CHST10: variants seen among roughly 807,000 people sequenced by gnomAD.
CHST10 encodes HNK-1 sulfotransferase.
In CHST10, 24 loss-of-function variants were observed where a neutral mutation model predicts 34.7. The observed-to-expected ratio is 0.69, with a 90% CI of 0.50 to 0.97. The LOEUF is 0.97. Among genes scored for constraint, CHST10 ranks in the 50% least tolerant of loss-of-function variants. CHST10 has a pLI of 0.00. For synonymous variants in CHST10, 161 were observed against 169.3 expected, an observed-to-expected ratio of 0.95 and a Z score of 0.38; for missense variants, 402 against 452.1, an observed-to-expected ratio of 0.89 and a Z score of 1.00.
intron 5 of CHST10, among the ~76,000 whole-genome samples, chr2:100,396,773 G>T (rs931865564): frequency 6.6e-6 from 1 of 152,158 alleles, no homozygotes; most frequent in African/African-American, 2.4e-5. Flanking sequence ...ACATGATCCA[G>T]CAAGCCCACT....
intron 3 of CHST10, among the ~76,000 whole-genome samples, 180 bp from the exon 4 acceptor site, chr2:100,402,835 G>C (rs1347332838): frequency 2.0e-5 from 3 of 152,178 alleles, no homozygotes; most frequent in Non-Finnish European, 4.4e-5. Context: ...GGGGCACCTG[G>C]ACATTCACAC....
intron 3 of CHST10, 139 bp from the exon 4 acceptor site, chr2:100,402,794 G>A: frequency 3.0e-6 from 2 of 662,522 alleles, no homozygotes; most frequent in Non-Finnish European, 5.1e-6. Flanking sequence ...CCATTCAGCG[G>A]AGGAGGGCAG....
intron 5 of CHST10, among the ~76,000 whole-genome samples, chr2:100,396,358 G>T (rs1481357605): frequency 1.3e-5 from 2 of 152,222 alleles, no homozygotes; most frequent in East Asian, 3.8e-4. Flanking sequence ...GTTGGTGGCT[G>T]AGCAGGTTTT....
At chr2:100,415,243 G>C in intron 1 of CHST10, 132 bp from the exon 2 acceptor site, 1 of 366,024 alleles carries the variant, frequency 2.7e-6, no homozygotes, top group Non-Finnish European at 4.7e-6. Context: ...TGGCAGAATG[G>C]GTCTCTTACA....
chr2:100,406,447 C>T (rs1423787918), intron 3 of CHST10, 129 bp downstream of exon 3: 2 of 1,244,714 alleles, frequency 1.6e-6, no homozygotes, highest in Non-Finnish European at 2.3e-6. Context: ...AGGCCATGAC[C>T]TCCAAGGTCC....
intron 5 of CHST10, 28 bp downstream of exon 5, chr2:100,397,880 A>G (rs1450756291): frequency 6.4e-7 from 1 of 1,563,866 alleles, no homozygotes; most frequent in Non-Finnish European, 8.7e-7. Context: ...GACCCTTCCC[A>G]GTGGACATTC....
chr2:100,396,428 C>T (rs1675062105), intron 5 of CHST10, among the ~76,000 whole-genome samples: 1 of 152,148 alleles, frequency 6.6e-6, no homozygotes, highest in Non-Finnish European at 1.5e-5. Flanking sequence ...AGGTTTTCTC[C>T]AAGTTTCTGT....
intron 5 of CHST10, among the ~76,000 whole-genome samples, chr2:100,396,593 G>A (rs1675071146): frequency 2.6e-5 from 4 of 152,146 alleles, no homozygotes; most frequent in Admixed American, 1.3e-4. Context: ...AGAACTCTGC[G>A]GTACATGCTA....
intron 3 of CHST10, among the ~76,000 whole-genome samples, chr2:100,404,044 A>G (rs1195097753): frequency 5.3e-5 from 8 of 152,250 alleles, no homozygotes; most frequent in Non-Finnish European, 1.2e-4. Flanking sequence ...GTCCTTGTGC[A>G]CTGGCAAGAT....
chr2:100,393,584 G>A lies in CHST10; in HGVS notation c.732C>T (p.Leu244=), dbSNP rs146724275. The change falls in exon 7 of 7, where the codon CTC becomes CTT. Residue 244 remains leucine, a synonymous_variant. Transcript: ENST00000264249. ...GIQFEDFVRY[L]GDPNHRWLDL... ...CTAGCCATCTGTGGTTCGGATCGCC[G>A]AGGTAGCGCACGAAATCTTCAAACT... is the stretch of plus-strand genomic sequence containing the variant. 31 of 1,613,996 alleles carry A rather than the reference G, an allele frequency of 1.9e-5. No homozygotes were observed. The highest frequency in any genetic ancestry group is 1.6e-4 in the Middle Eastern group (1 of 6,084).
At position 100,406,723 on chromosome 2, in the gene CHST10, G is replaced by A. The variant is rs144376630; in HGVS notation, c.-32-16C>T. 4.0e-5 allele frequency: 64 copies of A among 1,607,480 alleles called. No individual in the cohort carries two copies. Among genetic ancestry groups the A allele is most frequent in the South Asian group, 7.7e-5 (7 of 90,884 alleles). On this transcript the variant is annotated splice_polypyrimidine_tract_variant and intron_variant, in intron 2 of 6. Coordinates refer to ENST00000264249, the MANE Select transcript of CHST10 (RefSeq NM_004854.5). ...CTGACTCTTCCTGGAAAACACAAGC[G>A]AGATGCCCCTGCTGCTTACAAATAC...
At chr2:100,397,676 G>C (rs566932702) in intron 5 of CHST10, among the ~76,000 whole-genome samples, 45 of 152,350 alleles carry the variant, frequency 3.0e-4, no homozygotes, top group Admixed American at 1.4e-3. Context: ...CAGGTGAGGA[G>C]AGCTGGACTG....
At chr2:100,398,194 A>T (rs547816720) in intron 4 of CHST10, 52 bp from the exon 5 acceptor site, 5 of 1,406,306 alleles carry the variant, frequency 3.6e-6, no homozygotes, top group East Asian at 2.3e-5. Flanking sequence ...AGGAGGCAGG[A>T]CCGGGCCAAG....
rs1043141616 is a variant in CHST10, at chr2:100,415,204, G to A, written c.-103-93C>T. On this transcript the variant is annotated intron_variant, in intron 1 of 6. Transcript: ENST00000264249. Reference sequence around the variant, plus strand: ...TTGGTTTATACTTAGGAAGGAAATAGTGAACCATTTTGATGATTCAAATAT... The same window carrying A: ...TTGGTTTATACTTAGGAAGGAAATAATGAACCATTTTGATGATTCAAATAT... 4 of 657,854 alleles carry A rather than the reference G, an allele frequency of 6.1e-6. No homozygotes were observed. In the African/African-American group the frequency reaches 7.5e-5, roughly 12 times the overall value. 40.8% of individuals were successfully genotyped at this position (657,854 alleles called of 1,614,324 possible).
intron 2 of CHST10, among the ~76,000 whole-genome samples, chr2:100,412,357 A>ATGG (rs1428705260): frequency 1.3e-5 from 2 of 152,156 alleles, no homozygotes; most frequent in Non-Finnish European, 1.5e-5. Flanking sequence ...CCAGCTAAGC[A>ATGG]TGGTGTCATT....
intron 2 of CHST10, among the ~76,000 whole-genome samples, chr2:100,411,603 A>C (rs1236760914): frequency 6.6e-6 from 1 of 152,226 alleles, no homozygotes; most frequent in African/African-American, 2.4e-5. Flanking sequence ...TTAAGGACAA[A>C]ATAACCTAAA....
At chr2:100,409,462 T>C (rs746676653) in intron 2 of CHST10, among the ~76,000 whole-genome samples, 5 of 152,144 alleles carry the variant, frequency 3.3e-5, no homozygotes, top group Non-Finnish European at 7.4e-5. Flanking sequence ...TGGATTTTCA[T>C]TTAAAAGTCA....
chr2:100,399,364 CA>C (rs1398667693), intron 4 of CHST10, among the ~76,000 whole-genome samples: 2 of 152,204 alleles, frequency 1.3e-5, no homozygotes, highest in East Asian at 3.9e-4. Context: ...CTCGGCCTCC[CA>C]AAGTGCTGGG....
At chr2:100,395,780 C>T (rs573682936) in intron 5 of CHST10, among the ~76,000 whole-genome samples, 166 bp from the exon 6 acceptor site, 12 of 152,268 alleles carry the variant, frequency 7.9e-5, no homozygotes, top group Non-Finnish European at 4.4e-5. Context: ...ACTGCTTCTG[C>T]CAGCAGGATG....
Sources: gnomAD v4.1 joint callset for allele counts (sites outside exome capture counted in the v4.1 genomes callset) on GRCh38, gnomAD v4.1.1 for gene constraint, MANE v1.5 for transcripts, NCBI Gene and HGNC (gene_info 2026-07-23, HGNC 2026-07-21) for gene names.